The following CFH variants were observed in gnomAD, a reference collection of about 807,000 sequenced individuals.
CFH encodes H factor 1 (complement).
CFH carries 53 observed loss-of-function variants against 147.3 expected under a neutral mutation model. The ratio of observed to expected loss-of-function variants is 0.36; its 90% CI spans 0.29 to 0.45. The LOEUF (loss-of-function observed/expected upper bound fraction) is 0.45. Ranked by LOEUF, CFH falls within the 20% of genes least tolerant of loss-of-function variation. CFH has a pLI of 1.00. For synonymous variants in CFH, 536 were observed against 489.4 expected (o/e 1.10, Z -1.26); for missense variants, 1,380 against 1,498.0 (o/e 0.92, Z 1.30).
At position 196,663,424 on chromosome 1, in the gene CFH, A is replaced by T. The variant is rs74723345; in HGVS notation, c.59-9554A>T. 1.4e-4 allele frequency among the ~76,000 whole-genome samples: 22 copies of T among 152,268 alleles called. 1 individual carries two copies. In the East Asian group the frequency reaches 4.2e-3, roughly 29 times the overall value. On this transcript the variant is annotated intron_variant, in intron 1 of 21. Coordinates refer to ENST00000367429, the MANE Select transcript of CFH (RefSeq NM_000186.4). The stretch of plus-strand genomic sequence containing the variant: ...GAAATTATATTTGGTTCTTTTTAAA[A>T]TCTGCTACTACTTTGTTATAATTTC...
chr1:196,747,386 AT>A lies in CFH; in HGVS notation c.*75del. ...CAGTTCTCAATTTCATTTTTTATGTATTGTTTTACTCCTTTTTATTCATACG... is the reference window on the plus strand; with the variant it reads ...CAGTTCTCAATTTCATTTTTTATGTATGTTTTACTCCTTTTTATTCATACG... On this transcript the variant is annotated 3_prime_UTR_variant, in exon 22 of 22. Transcript: ENST00000367429. 1 of 1,584,100 alleles carries A rather than the reference AT, an allele frequency of 6.3e-7. No individual in the cohort carries two copies. The highest frequency in any genetic ancestry group is 2.3e-5 in the East Asian group (1 of 44,238).
intron 9 of CFH, among the ~76,000 whole-genome samples, chr1:196,702,361 A>C (rs1453369301): frequency 6.6e-6 from 1 of 152,108 alleles, no homozygotes; most frequent in African/African-American, 2.4e-5. Context: ...TCTGAGAGGC[A>C]GTTTCCCCAT....
chr1:196,657,870 C>G (rs1666758243), intron 1 of CFH, among the ~76,000 whole-genome samples: 2 of 152,024 alleles, frequency 1.3e-5, no homozygotes, highest in African/African-American at 4.8e-5. Flanking sequence ...CCAAAACAAT[C>G]TAGCACAAAT....
At chr1:196,703,842 G>T (rs538816118) in intron 9 of CFH, among the ~76,000 whole-genome samples, 1 of 151,776 alleles carries the variant, frequency 6.6e-6, no homozygotes, top group African/African-American at 2.4e-5. Context: ...AAATTAGTCG[G>T]GCATGGTGGT....
chr1:196,662,307 C>T (rs1373592144), intron 1 of CFH, among the ~76,000 whole-genome samples: 1 of 152,176 alleles, frequency 6.6e-6, no homozygotes, highest in Non-Finnish European at 1.5e-5. Context: ...ACTTAAAAGA[C>T]ATTAATTTTA....
At chr1:196,660,949 T>G (rs1054637270) in intron 1 of CFH, among the ~76,000 whole-genome samples, 3 of 152,216 alleles carry the variant, frequency 2.0e-5, no homozygotes, top group Non-Finnish European at 4.4e-5. Context: ...AAACTTTTTT[T>G]GTGTTAATGG....
At chr1:196,709,599 A>G (rs1353807598) in intron 9 of CFH, among the ~76,000 whole-genome samples, 1 of 152,212 alleles carries the variant, frequency 6.6e-6, no homozygotes, top group Non-Finnish European at 1.5e-5. Flanking sequence ...CTATGATTTC[A>G]GGAAAATCAG....
rs1169681905 is a variant in CFH, at chr1:196,747,426, T to G, written c.*113T>G. On this transcript the variant is annotated 3_prime_UTR_variant, in exon 22 of 22. Transcript: ENST00000367429. ...TTTATTCATACGTAAAATTTTGGATTAATTTGTGAAAATGTAATTATAAGC... is the reference window on the plus strand; with the variant it reads ...TTTATTCATACGTAAAATTTTGGATGAATTTGTGAAAATGTAATTATAAGC... 3.0e-6 allele frequency: 4 copies of G among 1,325,812 alleles called. No homozygotes were observed. Among genetic ancestry groups the G allele is most frequent in the Admixed American group, 3.9e-5 (2 of 50,660 alleles). The allele number at this position is 1,325,812 out of a possible 1,614,324, so 82.1% of individuals were successfully genotyped here.
chr1:196,682,323 T>C (rs1287338551), intron 6 of CFH, among the ~76,000 whole-genome samples: 1 of 151,744 alleles, frequency 6.6e-6, no homozygotes, highest in Non-Finnish European at 1.5e-5. Context: ...TAGGAAAATA[T>C]GGATAGTCTC....
intron 1 of CFH, among the ~76,000 whole-genome samples, chr1:196,655,405 T>G (rs575266211): frequency 6.6e-6 from 1 of 152,238 alleles, no homozygotes; most frequent in South Asian, 2.1e-4. Context: ...ATCCTGGGAA[T>G]GCATATGCTA....
intron 11 of CFH, among the ~76,000 whole-genome samples, chr1:196,718,448 C>T (rs61819953): frequency 1.2e-4 from 18 of 151,936 alleles, no homozygotes; most frequent in Non-Finnish European, 2.4e-4. Context: ...AAGAACTTGA[C>T]CTTTTTAATA....
chr1:196,729,045 C>T (rs1370629089), intron 15 of CFH, among the ~76,000 whole-genome samples: 4 of 152,028 alleles, frequency 2.6e-5, no homozygotes, highest in Admixed American at 2.0e-4. Context: ...CATATTGACA[C>T]ATACAGTTTC....
chr1:196,666,272 T>C (rs1295408583), intron 1 of CFH, among the ~76,000 whole-genome samples: 1 of 152,182 alleles, frequency 6.6e-6, no homozygotes, highest in East Asian at 1.9e-4. Flanking sequence ...GTTTTCTATT[T>C]TCTTTAGATT....
chr1:196,721,654 G>A (rs1180559925), intron 11 of CFH, among the ~76,000 whole-genome samples: 1 of 151,882 alleles, frequency 6.6e-6, no homozygotes, highest in Admixed American at 6.6e-5. Flanking sequence ...GTCATTGGGG[G>A]TGTGGAGGTT....
chr1:196,711,732 C>T (rs903770172), intron 9 of CFH, among the ~76,000 whole-genome samples: 3 of 152,052 alleles, frequency 2.0e-5, no homozygotes, highest in African/African-American at 7.2e-5. Flanking sequence ...TCTTTCTACT[C>T]TGATTGATTC....
chr1:196,657,206 T>C (rs758436822), intron 1 of CFH, among the ~76,000 whole-genome samples: 3 of 152,194 alleles, frequency 2.0e-5, no homozygotes, highest in Non-Finnish European at 4.4e-5. Flanking sequence ...GCTTTGTCTC[T>C]AGAGTTTGTT....
intron 11 of CFH, among the ~76,000 whole-genome samples, chr1:196,720,218 T>C (rs1185477154): frequency 2.6e-5 from 4 of 152,022 alleles, no homozygotes; most frequent in Non-Finnish European, 5.9e-5. Flanking sequence ...AGTTCTATTA[T>C]AAATTTAACT....
At chr1:196,714,597 ATGTG>A (rs3043112) in intron 10 of CFH, among the ~76,000 whole-genome samples, 36 of 103,922 alleles carry the variant, frequency 3.5e-4, no homozygotes, top group East Asian at 1.5e-3. Context: ...ACTCAGTAAT[ATGTG>A]TGTGTGTGTG....
At chr1:196,662,002 A>G (rs1666926899) in intron 1 of CFH, among the ~76,000 whole-genome samples, 1 of 152,200 alleles carries the variant, frequency 6.6e-6, no homozygotes, top group Non-Finnish European at 1.5e-5. Flanking sequence ...TACAGACAGG[A>G]TGGAACTCAC....
Sources: allele counts gnomAD v4.1 joint callset (sites outside exome capture counted in the v4.1 genomes callset), GRCh38; gene constraint gnomAD v4.1.1; transcripts MANE v1.5; gene names NCBI Gene and HGNC (gene_info 2026-07-23, HGNC 2026-07-21).